The following PDXDC1 variants were observed in gnomAD, a reference collection of about 807,000 sequenced individuals.
PDXDC1 encodes the protein pyridoxal-dependent decarboxylase domain-containing protein 1.
A neutral mutation model predicts 100.1 loss-of-function variants in PDXDC1; 42 were observed. The ratio of observed to expected loss-of-function variants is 0.42; its 90% CI spans 0.33 to 0.54. PDXDC1 has a LOEUF of 0.54. Ranked by LOEUF, PDXDC1 falls within the 20% of genes least tolerant of loss-of-function variation. PDXDC1 has a pLI of 0.10. For missense variants in PDXDC1, 636 were observed against 979.2 expected (o/e 0.65, Z 4.68); for synonymous variants, 260 against 371.7 (o/e 0.70, Z 3.46).
At chr16:15,074,948 C>T in intron 16 of PDXDC1, 1 of 1,320,300 alleles carries the variant, frequency 7.6e-7, no homozygotes, top group Non-Finnish European at 1.0e-6. Flanking sequence ...GATTATTTCC[C>T]TTAAAAGATA....
Position 14,996,004 on chromosome 16 carries a change from A to G in PDXDC1, c.22-1749A>G, listed in dbSNP as rs540199957. 9.8e-4 allele frequency among the ~76,000 whole-genome samples: 150 copies of G among 152,388 alleles called. 2 individuals carry two copies. In the South Asian group the frequency reaches 0.017, roughly 17 times the overall value. ...GTGGTGATATCCCCTTTATCATTCA[A>G]TGAAACTTTTTACAAATAAAAACTT... On this transcript the variant is annotated intron_variant, in intron 1 of 22. Transcript: ENST00000396410.
At chr16:15,033,891 T>C (rs1214042594) in intron 19 of PDXDC1, among the ~76,000 whole-genome samples, 1 of 152,100 alleles carries the variant, frequency 6.6e-6, no homozygotes, top group Non-Finnish European at 1.5e-5. Flanking sequence ...AAACAGATGA[T>C]TACTTCCCTA....
chr16:15,089,642 T>C (rs1298652573), intron 16 of PDXDC1, among the ~76,000 whole-genome samples: 1 of 150,284 alleles, frequency 6.7e-6, no homozygotes, highest in African/African-American at 2.4e-5. Context: ...CTACTAAAAA[T>C]ACAAAAAATT....
Position 15,124,730 on chromosome 16 carries a change from C to T in PDXDC1, c.1400-14149C>T, listed in dbSNP as rs1444710104. Among the ~76,000 whole-genome samples, 3 of 151,848 alleles carry T rather than the reference C, an allele frequency of 2.0e-5. No individual in the cohort carries two copies. In the South Asian group the frequency reaches 6.2e-4, roughly 32 times the overall value. On this transcript the variant is annotated intron_variant, in intron 16 of 16. Transcript: ENST00000535621. ...GAGTCTGCAGTGAGCCGAGATTGCACCACTGCACTCCAGCCTAGGCGACAG... is the reference window on the plus strand; with the variant it reads ...GAGTCTGCAGTGAGCCGAGATTGCATCACTGCACTCCAGCCTAGGCGACAG...
At position 15,074,782 on chromosome 16, in the gene PDXDC1, C is replaced by T. The variant is rs553992239; in HGVS notation, c.1399+44726C>T. 15 of 1,614,022 alleles carry T rather than the reference C, an allele frequency of 9.3e-6. No individual in the cohort carries two copies. The highest frequency in any genetic ancestry group is 3.3e-5 in the South Asian group (3 of 91,068). ...AACCAAAGACATCAGGATGTCCAGG[C>T]GCTCGGCTACAGGATGCACCATCTG... is the stretch of plus-strand genomic sequence containing the variant. On this transcript the variant is annotated intron_variant, in intron 16 of 16. Coordinates refer to the PDXDC1 transcript ENST00000535621.
chr16:15,047,528 T>A, intron 16 of PDXDC1: 1 of 1,613,872 alleles, frequency 6.2e-7, no homozygotes, highest in African/African-American at 1.3e-5. Flanking sequence ...CGTCACAATG[T>A]GTCAAGCAGG....
At chr16:15,127,465 C>G (rs1402790057) in intron 16 of PDXDC1, 1 of 1,561,196 alleles carries the variant, frequency 6.4e-7, no homozygotes, top group Non-Finnish European at 8.6e-7. Flanking sequence ...CCAGCCCCAG[C>G]CCACCTTGCT....
chr16:15,093,250 C>T (rs149635646), intron 16 of PDXDC1, among the ~76,000 whole-genome samples: 13 of 152,182 alleles, frequency 8.5e-5, no homozygotes, highest in African/African-American at 2.2e-4. Context: ...ATGATCCGCC[C>T]GCCTCGGCCT....
Position 15,034,032 on chromosome 16 carries a change from C to T in PDXDC1, c.1813-254C>T, listed in dbSNP as rs564279285. On this transcript the variant is annotated intron_variant, in intron 19 of 22. Coordinates refer to ENST00000396410, the MANE Select transcript of PDXDC1 (RefSeq NM_015027.4). ...TGGGTGGACTCCTTAAGGTTTCTTT[C>T]CAGCCTGACTTTATGACTTCTCTGT... 5 of 570,920 alleles carry T rather than the reference C, an allele frequency of 8.8e-6. No individual in the cohort carries two copies. In the African/African-American group the frequency reaches 9.3e-5, roughly 11 times the overall value. 35.4% of individuals were successfully genotyped at this position (570,920 alleles called of 1,614,324 possible). A position where few individuals can be genotyped will look rare whatever the true frequency, so the allele number is the denominator to read the frequency against.
In PDXDC1 at chr16:15,123,995, C is replaced by T. The variant is rs531139802; in HGVS notation, c.1400-14884C>T. On this transcript the variant is annotated intron_variant, in intron 16 of 16. Transcript: ENST00000535621. ...TCCTTATCTATATCATCTTACTGCC[C>T]GTGTGTGTGGACTTTAAATTCTGAA... Among the ~76,000 whole-genome samples the T allele has an allele frequency of 3.6e-4, 54 of 151,880 alleles. 1 individual carries two copies. In the South Asian group the frequency reaches 0.011, roughly 30 times the overall value.
chr16:15,070,601 A>G (rs2045181929), intron 16 of PDXDC1, among the ~76,000 whole-genome samples: 1 of 152,152 alleles, frequency 6.6e-6, no homozygotes, highest in Admixed American at 6.6e-5. Flanking sequence ...CTCAAGAGAA[A>G]GACAGTCTGG....
intron 16 of PDXDC1, among the ~76,000 whole-genome samples, chr16:15,084,246 G>A (rs1382032714): frequency 6.6e-6 from 1 of 152,068 alleles, no homozygotes; most frequent in Non-Finnish European, 1.5e-5. Context: ...AACGGACAGA[G>A]GGAACTAGAG....
intron 8 of PDXDC1, among the ~76,000 whole-genome samples, chr16:15,015,050 G>C (rs1475138607): frequency 6.6e-6 from 1 of 152,262 alleles, no homozygotes; most frequent in Admixed American, 6.5e-5. Context: ...CCATTCTCCC[G>C]CCTCGGCCCC....
chr16:15,100,015 A>G (rs2046485048), intron 16 of PDXDC1, among the ~76,000 whole-genome samples: 1 of 152,244 alleles, frequency 6.6e-6, no homozygotes, highest in Admixed American at 6.5e-5. Flanking sequence ...GTACCAAAAA[A>G]GAATTTATCA....
At chr16:15,078,477 C>T (rs1401082133) in intron 16 of PDXDC1, among the ~76,000 whole-genome samples, 2 of 152,100 alleles carry the variant, frequency 1.3e-5, no homozygotes, top group Non-Finnish European at 2.9e-5. Flanking sequence ...CTGACATGGT[C>T]CTCCAGAAAG....
chr16:15,053,330 G>A (rs2044368336), intron 16 of PDXDC1, among the ~76,000 whole-genome samples: 1 of 152,158 alleles, frequency 6.6e-6, no homozygotes, highest in Non-Finnish European at 1.5e-5. Flanking sequence ...TTGCTGTGGT[G>A]CTTGGCAGCT....
At chr16:15,148,991 G>A in the PDXDC1 span, among the ~76,000 whole-genome samples, 4 of 152,214 alleles carry the variant, frequency 2.6e-5, no homozygotes, top group Admixed American at 6.5e-5. Context: ...ACGCAGGCAC[G>A]TTCTGAACGC....
At position 15,125,808 on chromosome 16, in the gene PDXDC1, C is replaced by A. The variant is rs774698439; in HGVS notation, c.1400-13071C>A. On this transcript the variant is annotated intron_variant, in intron 16 of 16. Transcript: ENST00000535621. Reference sequence around the variant, plus strand: ...GTGTGGGGCTCGGGCTCCCAGCCACCTGCAGGACGACAGCAGTGGTCAGCG... The same window carrying A: ...GTGTGGGGCTCGGGCTCCCAGCCACATGCAGGACGACAGCAGTGGTCAGCG... 23 of 1,237,458 alleles carry A rather than the reference C, an allele frequency of 1.9e-5. No homozygotes were observed. In the South Asian group the frequency reaches 2.6e-4, roughly 14 times the overall value. 76.7% of individuals were successfully genotyped at this position (1,237,458 alleles called of 1,614,324 possible).
chr16:15,035,713 A>C (rs1460623880), intron 22 of PDXDC1, among the ~76,000 whole-genome samples, 160 bp downstream of exon 22: 1 of 152,198 alleles, frequency 6.6e-6, no homozygotes, highest in Admixed American at 6.5e-5. Flanking sequence ...TTCAGCCTTG[A>C]AGAAATCCCA....
Sources: allele counts gnomAD v4.1 joint callset (sites outside exome capture counted in the v4.1 genomes callset), GRCh38; gene constraint gnomAD v4.1.1; transcripts MANE v1.5; gene names NCBI Gene and HGNC (gene_info 2026-07-23, HGNC 2026-07-21).